The following ATPSCKMT variants were observed in gnomAD, a reference collection of about 807,000 sequenced individuals.
ATPSCKMT encodes ATP synthase c subunit lysine N-methyltransferase, also known as ATP synthase subunit C lysine N-methyltransferase.
Under a neutral mutation model 24.3 loss-of-function variants are expected in ATPSCKMT, and 24 were observed. The observed-to-expected ratio is 0.99, with a 90% CI of 0.71 to 1.39. The LOEUF is 1.39. Among genes scored for constraint, ATPSCKMT ranks in the 40% most tolerant of loss-of-function variants. The probability of loss-of-function intolerance (pLI) is 0.00; values close to 1 mark genes in which losing one functional copy is unlikely to be tolerated. For synonymous variants in ATPSCKMT, 95 were observed against 110.5 expected (o/e 0.86, Z 0.88); for missense variants, 311 against 298.4 (o/e 1.04, Z -0.31).
intron 4 of ATPSCKMT, among the ~76,000 whole-genome samples, chr5:10,234,275 C>A (rs1199131666): frequency 5.9e-5 from 9 of 152,048 alleles, no homozygotes; most frequent in African/African-American, 2.2e-4. Flanking sequence ...TTGCAGTGAG[C>A]CGAGATCATG....
intron 4 of ATPSCKMT, among the ~76,000 whole-genome samples, chr5:10,229,482 T>C (rs1181028121): frequency 6.6e-6 from 1 of 152,150 alleles, no homozygotes; most frequent in Non-Finnish European, 1.5e-5. Context: ...AACCACACAG[T>C]GAAGGTGGGA....
At chr5:10,237,151 A>G (rs941469329) in intron 2 of ATPSCKMT, 1 of 686,310 alleles carries the variant, frequency 1.5e-6, no homozygotes, top group East Asian at 6.6e-5. Context: ...AATAACGTCA[A>G]CTGTGGAATC....
chr5:10,226,552 CAGTCA>C lies in ATPSCKMT; in HGVS notation c.*884_*888del, dbSNP rs2126410085. On this transcript the variant is annotated 3_prime_UTR_variant, in exon 5 of 5. Transcript: ENST00000511437. ...TCCTTAATTCGTCTTTTATCTAAAT[CAGTCA>C]AGTCTCTTCTCATAAATGAGAAATA... 6.6e-6 allele frequency: 1 copy of C among 152,344 alleles called. No homozygotes were observed. Among genetic ancestry groups the C allele is most frequent in the South Asian group, 2.1e-4 (1 of 4,826 alleles). 9.4% of individuals were successfully genotyped at this position (152,344 alleles called of 1,614,324 possible).
intron 4 of ATPSCKMT, among the ~76,000 whole-genome samples, chr5:10,234,906 T>C (rs1744306702): frequency 6.6e-6 from 1 of 152,248 alleles, no homozygotes; most frequent in South Asian, 2.1e-4. Flanking sequence ...AGTGAGCGGC[T>C]GTGAAAACTG....
intron 1 of ATPSCKMT, among the ~76,000 whole-genome samples, chr5:10,246,756 A>G (rs1334457332): frequency 6.6e-6 from 1 of 152,234 alleles, no homozygotes; most frequent in Non-Finnish European, 1.5e-5. Flanking sequence ...AAAAGATGTA[A>G]TAAAAAGTTC....
chr5:10,236,692 T>C (rs982321688), intron 2 of ATPSCKMT, 77 bp from the exon 3 acceptor site: 1 of 1,563,956 alleles, frequency 6.4e-7, no homozygotes, highest in African/African-American at 1.4e-5. Flanking sequence ...GAATATTTCC[T>C]ATCAATGGTT....
In ATPSCKMT at chr5:10,227,567, A is replaced by G. The variant is rs766594294; in HGVS notation, c.576T>C (p.His192=). Reference sequence around the variant, plus strand: ...CCCCCGTGACGTGGTCTGGAGTCCAATGTGGGAAAGGGAACCGGCAAGCAA... The same window carrying G: ...CCCCCGTGACGTGGTCTGGAGTCCAGTGTGGGAAAGGGAACCGGCAAGCAA... ...RVIACRFPFP[H]WTPDHVTGEG... Residue 192 remains histidine, a synonymous_variant, in exon 5 of 5, where the codon CAT becomes CAC. Coordinates refer to ENST00000511437, the MANE Select transcript of ATPSCKMT (RefSeq NM_199133.4). The G allele has an allele frequency of 1.4e-5, 22 of 1,614,054 alleles. No individual in the cohort carries two copies. In the Admixed American group the frequency reaches 2.2e-4, roughly 16 times the overall value.
intron 1 of ATPSCKMT, 163 bp downstream of exon 1, chr5:10,249,695 G>A (rs1334953694): frequency 5.1e-6 from 6 of 1,170,112 alleles, no homozygotes; most frequent in East Asian, 5.2e-5. Context: ...GCACCGCGCG[G>A]CGACCAGGAG....
intron 4 of ATPSCKMT, among the ~76,000 whole-genome samples, chr5:10,229,957 CCTT>C: frequency 6.6e-6 from 1 of 152,286 alleles, no homozygotes; most frequent in South Asian, 2.1e-4. Flanking sequence ...TTGTATCTTC[CCTT>C]CCACAGTCCT....
At chr5:10,236,869 T>A in intron 2 of ATPSCKMT, 1 of 1,444,760 alleles carries the variant, frequency 6.9e-7, no homozygotes, top group Non-Finnish European at 9.2e-7. Flanking sequence ...TCAGGTTCAC[T>A]TGGAACACCT....
At chr5:10,249,680 C>T (rs1191327659) in intron 1 of ATPSCKMT, 178 bp downstream of exon 1, 31 of 1,023,754 alleles carry the variant, frequency 3.0e-5, no homozygotes, top group Non-Finnish European at 4.1e-5. Flanking sequence ...CCAGAACCGG[C>T]GCGGGCACCG....
At chr5:10,249,789 C>G in intron 1 of ATPSCKMT, 69 bp downstream of exon 1, 1 of 1,527,728 alleles carries the variant, frequency 6.5e-7, no homozygotes, top group Non-Finnish European at 8.8e-7. Context: ...CTCAGCTGAC[C>G]GCGAGCCCCC....
At chr5:10,230,175 T>C (rs1283896815) in intron 4 of ATPSCKMT, among the ~76,000 whole-genome samples, 1 of 152,174 alleles carries the variant, frequency 6.6e-6, no homozygotes, top group Non-Finnish European at 1.5e-5. Context: ...ATGAACTAAA[T>C]TCTAATTCTT....
chr5:10,233,212 C>A (rs1744228987), intron 4 of ATPSCKMT, among the ~76,000 whole-genome samples: 1 of 152,146 alleles, frequency 6.6e-6, no homozygotes, highest in Admixed American at 6.5e-5. Context: ...TTTGTGGAGT[C>A]ACCCAGCCAC....
intron 4 of ATPSCKMT, among the ~76,000 whole-genome samples, chr5:10,233,283 C>T (rs1246607159): frequency 6.6e-6 from 1 of 152,094 alleles, no homozygotes; most frequent in Admixed American, 6.5e-5. Flanking sequence ...CACTGAGACA[C>T]AGCTTGATGA....
chr5:10,241,007 A>AG (rs1267323745), intron 1 of ATPSCKMT, among the ~76,000 whole-genome samples: 3 of 151,798 alleles, frequency 2.0e-5, no homozygotes, highest in African/African-American at 4.8e-5. Context: ...AAAAAAAAAA[A>AG]AAAAGAAAAG....
intron 1 of ATPSCKMT, among the ~76,000 whole-genome samples, chr5:10,239,926 C>T (rs1242893982): frequency 6.6e-6 from 1 of 151,878 alleles, no homozygotes; most frequent in East Asian, 1.9e-4. Context: ...ACAGCGGATC[C>T]AAAAAGAACA....
At chr5:10,244,540 A>G (rs1744800236) in intron 1 of ATPSCKMT, 1 of 152,154 alleles carries the variant, frequency 6.6e-6, no homozygotes, top group Non-Finnish European at 1.5e-5. Context: ...AACAACAACA[A>G]CAAAAAAGTG....
At chr5:10,248,596 T>C (rs1316666572) in intron 1 of ATPSCKMT, 1 of 152,288 alleles carries the variant, frequency 6.6e-6, no homozygotes, top group African/African-American at 2.4e-5. Context: ...TCGCCCAGGA[T>C]GGAGTGCAGT....
Sources: allele counts gnomAD v4.1 joint callset (sites outside exome capture counted in the v4.1 genomes callset), GRCh38; gene constraint gnomAD v4.1.1; transcripts MANE v1.5; gene names NCBI Gene and HGNC (gene_info 2026-07-23, HGNC 2026-07-21).